The following ENTREP3 variants were observed in gnomAD, a reference collection of about 807,000 sequenced individuals.
ENTREP3 encodes endosomal transmembrane epsin interactor 3, also known as protein ENTREP3.
chr1:155,254,097 TG>T, the ENTREP3 span: 1 of 1,613,978 alleles, frequency 6.2e-7, no homozygotes, highest in Non-Finnish European at 8.5e-7. This position sits in a 1 kb window ranked among gnomAD's most constrained non-coding sequence, Gnocchi z 4.4. Flanking sequence ...AGAGCACTGT[TG>T]GAAGTCTCGG....
At chr1:155,251,083 C>G in the ENTREP3 span, 2 of 1,609,006 alleles carry the variant, frequency 1.2e-6, no homozygotes, top group Non-Finnish European at 8.5e-7. Context: ...CCCCTCATTA[C>G]GCCCTGCTCA....
At chr1:155,251,754 C>A in the ENTREP3 span, 3 of 1,611,572 alleles carry the variant, frequency 1.9e-6, no homozygotes, top group East Asian at 6.7e-5. Context: ...TGTTTCTGAG[C>A]TGCAGGTATA....
chr1:155,254,187 A>C, the ENTREP3 span: 1 of 1,613,282 alleles, frequency 6.2e-7, no homozygotes, highest in African/African-American at 1.3e-5. This position sits in a 1 kb window ranked among gnomAD's most constrained non-coding sequence, Gnocchi z 4.4. Context: ...CAAGGAGAAG[A>C]AGGAGATCTG....
At chr1:155,254,935 C>T in the ENTREP3 span, 6 of 1,369,146 alleles carry the variant, frequency 4.4e-6, no homozygotes, top group Non-Finnish European at 6.0e-6. This position sits in a 1 kb window ranked among gnomAD's most constrained non-coding sequence, Gnocchi z 4.4. Flanking sequence ...GGGAGCATCT[C>T]AGAGGCGCCC....
At chr1:155,247,402 C>A in the ENTREP3 span, 29 of 515,282 alleles carry the variant, frequency 5.6e-5, no homozygotes, top group African/African-American at 4.0e-4. Flanking sequence ...TGCCTTACCA[C>A]CCCATTGCAT....
chr1:155,248,849 G>A, the ENTREP3 span, among the ~76,000 whole-genome samples: 3 of 150,970 alleles, frequency 2.0e-5, no homozygotes. Context: ...CTAGTAGCTG[G>A]GATTACAGGC....
the ENTREP3 span, chr1:155,250,321 G>A: frequency 2.6e-6 from 4 of 1,547,266 alleles, no homozygotes; most frequent in South Asian, 1.2e-5. This position sits in a 1 kb window ranked among gnomAD's most constrained non-coding sequence, Gnocchi z 5.4. Flanking sequence ...TGGGACCGTG[G>A]CAGCAGCAGC....
chr1:155,248,777 C>T, the ENTREP3 span, among the ~76,000 whole-genome samples: 7 of 151,568 alleles, frequency 4.6e-5, no homozygotes, highest in African/African-American at 9.7e-5. Flanking sequence ...TGCAGTGGTA[C>T]GATCTCAGCT....
the ENTREP3 span, chr1:155,252,704 ATATATATATATATATATATTTTT>A: frequency 2.3e-5 from 1 of 44,098 alleles, no homozygotes; most frequent in East Asian, 8.7e-4. Flanking sequence ...ATATATATAT[ATATATATATATATATATATTTTT>A]TTTTTTTTTT....
At chr1:155,248,141 C>G in the ENTREP3 span, 3 of 1,614,036 alleles carry the variant, frequency 1.9e-6, no homozygotes, top group African/African-American at 4.0e-5. Context: ...ACCTGGCCAG[C>G]TGCCCTTTAG....
At chr1:155,251,176 A>G in the ENTREP3 span, 3 of 1,594,742 alleles carry the variant, frequency 1.9e-6, no homozygotes, top group Non-Finnish European at 1.7e-6. Context: ...TGCAGAAGAC[A>G]CAGGGTCAAG....
At chr1:155,254,356 G>A in the ENTREP3 span, 1 of 1,603,776 alleles carries the variant, frequency 6.2e-7, no homozygotes, top group Non-Finnish European at 8.5e-7. The surrounding 1 kb of genome is among the most constrained non-coding windows in gnomAD (Gnocchi z 4.4). Flanking sequence ...CCCCTTGCGT[G>A]CTGGGCACCT....
the ENTREP3 span, chr1:155,247,287 G>A: frequency 4.8e-6 from 2 of 417,402 alleles, no homozygotes; most frequent in African/African-American, 4.1e-5. Flanking sequence ...TACCTTCACA[G>A]TCTTTAATGG....
chr1:155,247,458 C>T, the ENTREP3 span: 3 of 608,734 alleles, frequency 4.9e-6, no homozygotes, highest in East Asian at 1.1e-4. Context: ...ATGCCTTTGC[C>T]CTGACCATAG....
chr1:155,250,548 A>G, the ENTREP3 span: 1 of 1,572,824 alleles, frequency 6.4e-7, no homozygotes, highest in Non-Finnish European at 8.6e-7. The surrounding 1 kb of genome is among the most constrained non-coding windows in gnomAD (Gnocchi z 5.4). Flanking sequence ...GGGGGCACCC[A>G]GTGGGGGTGG....
chr1:155,254,993 C>T, the ENTREP3 span: 2 of 823,504 alleles, frequency 2.4e-6, no homozygotes, highest in African/African-American at 1.7e-5. This position sits in a 1 kb window ranked among gnomAD's most constrained non-coding sequence, Gnocchi z 4.4. Context: ...TAGAGCCCAC[C>T]CCCTGGCTGG....
the ENTREP3 span, among the ~76,000 whole-genome samples, chr1:155,249,326 G>T: frequency 6.6e-6 from 1 of 151,740 alleles, no homozygotes; most frequent in Non-Finnish European, 1.5e-5. Flanking sequence ...CCCGACCTCA[G>T]GTGATCCACC....
At chr1:155,249,235 C>T in the ENTREP3 span, among the ~76,000 whole-genome samples, 1 of 151,590 alleles carries the variant, frequency 6.6e-6, no homozygotes, top group Non-Finnish European at 1.5e-5. Context: ...GAATTACAGG[C>T]GCGCTCCACC....
chr1:155,254,954 G>T, the ENTREP3 span: 2 of 1,189,564 alleles, frequency 1.7e-6, no homozygotes, highest in Non-Finnish European at 2.4e-6. The surrounding 1 kb of genome is among the most constrained non-coding windows in gnomAD (Gnocchi z 4.4). Context: ...CCAAGGCCCC[G>T]TCCTTTCTCC....
Sources: gnomAD v4.1 joint callset for allele counts (sites outside exome capture counted in the v4.1 genomes callset) on GRCh38, gnomAD v4.1.1 for gene constraint, Gnocchi (gnomAD v3.1) non-coding constraint, MANE v1.5 for transcripts, NCBI Gene and HGNC (gene_info 2026-07-23, HGNC 2026-07-21) for gene names.